The following FMNL2 variants were observed in gnomAD, a reference collection of about 807,000 sequenced individuals.
FMNL2 encodes formin like 2.
A neutral mutation model predicts 130.2 loss-of-function variants in FMNL2; 51 were observed. The observed-to-expected ratio is 0.39, with a 90% CI of 0.31 to 0.49. FMNL2 has a LOEUF of 0.49. FMNL2 is among the 20% of genes least tolerant of loss of function. The pLI, the probability that FMNL2 is intolerant of heterozygous loss-of-function variation, is 0.85. For missense variants in FMNL2, 977 were observed against 1,316.2 expected, an observed-to-expected ratio of 0.74 and a Z score of 3.99; for synonymous variants, 465 against 467.1, an observed-to-expected ratio of 1.00 and a Z score of 0.06.
chr2:152,337,185 C>G (rs553677979), intron 1 of FMNL2, among the ~76,000 whole-genome samples: 31 of 152,278 alleles, frequency 2.0e-4, no homozygotes, highest in African/African-American at 7.2e-4. Context: ...GCTGCTCCCA[C>G]CGTTGTGCAA....
chr2:152,495,160 G>A (rs558333537), intron 1 of FMNL2, among the ~76,000 whole-genome samples: 4 of 152,160 alleles, frequency 2.6e-5, no homozygotes, highest in African/African-American at 9.6e-5. Context: ...CAGTTCAATG[G>A]TCTTTTAGGA....
chr2:152,635,184 G>A (rs533006197), intron 21 of FMNL2, among the ~76,000 whole-genome samples: 91 of 152,308 alleles, frequency 6.0e-4, no homozygotes, highest in African/African-American at 2.1e-3. Context: ...TTAAAAGACT[G>A]TAGAATGGTT....
intron 1 of FMNL2, among the ~76,000 whole-genome samples, chr2:152,495,478 C>T (rs930045214): frequency 4.6e-5 from 7 of 151,246 alleles, no homozygotes; most frequent in African/African-American, 1.7e-4. Flanking sequence ...GGCAAAACAC[C>T]GTCTGTAATA....
At chr2:152,489,491 CGTT>C (rs1418970813) in intron 1 of FMNL2, among the ~76,000 whole-genome samples, 8 of 152,308 alleles carry the variant, frequency 5.3e-5, no homozygotes, top group South Asian at 2.1e-4. Context: ...GCTCAGGAAA[CGTT>C]GTTGTTTGTT....
chr2:152,388,450 C>T (rs753037338), intron 1 of FMNL2, among the ~76,000 whole-genome samples: 10 of 152,084 alleles, frequency 6.6e-5, no homozygotes, highest in Non-Finnish European at 1.0e-4. Context: ...AAAGCCCTTA[C>T]GAAACCATCA....
intron 3 of FMNL2, among the ~76,000 whole-genome samples, chr2:152,544,653 A>G (rs1027206270): frequency 6.6e-6 from 1 of 152,156 alleles, no homozygotes; most frequent in Non-Finnish European, 1.5e-5. Context: ...GTTTATACAG[A>G]AGACTGAGAC....
At chr2:152,486,575 C>A (rs562825064) in intron 1 of FMNL2, among the ~76,000 whole-genome samples, 1 of 152,286 alleles carries the variant, frequency 6.6e-6, no homozygotes, top group Non-Finnish European at 1.5e-5. Context: ...CTTCCTTTGG[C>A]TTTTGGAATT....
At chr2:152,441,089 G>T (rs1353376732) in intron 1 of FMNL2, among the ~76,000 whole-genome samples, 1 of 152,174 alleles carries the variant, frequency 6.6e-6, no homozygotes, top group Non-Finnish European at 1.5e-5. Flanking sequence ...CACTAAATGG[G>T]TTTATAGGTA....
At chr2:152,519,121 C>T (rs1265084169) in intron 1 of FMNL2, among the ~76,000 whole-genome samples, 1 of 152,162 alleles carries the variant, frequency 6.6e-6, no homozygotes, top group Non-Finnish European at 1.5e-5. Context: ...AGTGTGCTTT[C>T]GTCCGCCCTC....
chr2:152,341,788 A>C (rs4311022), intron 1 of FMNL2, among the ~76,000 whole-genome samples: 76,172 of 152,096 alleles, frequency 0.5, 21,225 homozygotes, highest in Non-Finnish European at 0.65. Context: ...AAAGAGTAGA[A>C]TTCCCCAGGG....
intron 1 of FMNL2, among the ~76,000 whole-genome samples, chr2:152,456,909 G>C (rs1333779017): frequency 1.4e-5 from 2 of 147,606 alleles, no homozygotes; most frequent in Non-Finnish European, 3.0e-5. Flanking sequence ...CTACACTCCA[G>C]CCTGATGACA....
intron 1 of FMNL2, among the ~76,000 whole-genome samples, chr2:152,470,717 T>A (rs1054358155): frequency 6.6e-6 from 1 of 152,206 alleles, no homozygotes; most frequent in Non-Finnish European, 1.5e-5. Flanking sequence ...TATGCCGGAT[T>A]TGAATTGTAT....
chr2:152,440,017 G>A lies in FMNL2; in HGVS notation c.118-81926G>A, dbSNP rs546843064. 7.2e-5 allele frequency among the ~76,000 whole-genome samples: 11 copies of A among 152,012 alleles called. No individual in the cohort carries two copies. The South Asian group carries it at 1.5e-3, about 20-fold the overall frequency. On this transcript the variant is annotated intron_variant, in intron 1 of 25. Transcript: ENST00000288670. ...TACTGCCAAGTGACCTCTCTACTGA[G>A]AACATCTAAGGATAAGCCACAAAAT...
chr2:152,347,308 C>A (rs996297584), intron 1 of FMNL2, among the ~76,000 whole-genome samples: 2 of 152,238 alleles, frequency 1.3e-5, no homozygotes, highest in East Asian at 3.9e-4. Flanking sequence ...GGTCTGACTC[C>A]AAGTGACTCT....
intron 25 of FMNL2, 56 bp downstream of exon 25, chr2:152,640,970 T>A: frequency 6.2e-7 from 1 of 1,601,062 alleles, no homozygotes; most frequent in Non-Finnish European, 8.5e-7. Flanking sequence ...TCACCTAGAC[T>A]GGGATGCATG....
At chr2:152,497,904 A>G (rs1329767809) in intron 1 of FMNL2, among the ~76,000 whole-genome samples, 1 of 152,198 alleles carries the variant, frequency 6.6e-6, no homozygotes, top group Non-Finnish European at 1.5e-5. Context: ...GGTTGTTGGC[A>G]GAATTCCATT....
intron 15 of FMNL2, among the ~76,000 whole-genome samples, chr2:152,622,203 C>T (rs1215954349): frequency 3.3e-5 from 5 of 152,152 alleles, no homozygotes; most frequent in African/African-American, 1.2e-4. Flanking sequence ...CTCGGATCCT[C>T]ACAATGCGAA....
intron 25 of FMNL2, among the ~76,000 whole-genome samples, chr2:152,646,589 T>TGG (rs151242231): frequency 3.4e-5 from 3 of 87,700 alleles, no homozygotes; most frequent in Non-Finnish European, 8.3e-5. Context: ...GTGCGGGGGG[T>TGG]GGGGGGGCAC....
intron 25 of FMNL2, chr2:152,643,979 C>A: frequency 1.2e-6 from 1 of 813,808 alleles, no homozygotes; most frequent in Non-Finnish European, 1.5e-6. Flanking sequence ...CCTGTAATTC[C>A]AGTACTTTGA....
Sources: gnomAD v4.1 joint callset for allele counts (sites outside exome capture counted in the v4.1 genomes callset) on GRCh38, gnomAD v4.1.1 for gene constraint, MANE v1.5 for transcripts, NCBI Gene and HGNC (gene_info 2026-07-23, HGNC 2026-07-21) for gene names.